ADAMTS17: variants seen among roughly 807,000 people sequenced by gnomAD.
ADAMTS17 encodes the protein ADAM metallopeptidase with thrombospondin type 1 motif 17.
A neutral mutation model predicts 141.5 loss-of-function variants in ADAMTS17; 113 were observed. The ratio of observed to expected loss-of-function variants is 0.80; its 90% CI spans 0.69 to 0.93. ADAMTS17 has a LOEUF of 0.93. Ranked by LOEUF, ADAMTS17 falls within the 40% of genes least tolerant of loss-of-function variation. The probability of loss-of-function intolerance (pLI) is 0.00; values close to 1 mark genes in which losing one functional copy is unlikely to be tolerated. For missense variants in ADAMTS17, 1,659 were observed against 1,517.9 expected, an observed-to-expected ratio of 1.09 and a Z score of -1.54; for synonymous variants, 768 against 630.6, an observed-to-expected ratio of 1.22 and a Z score of -3.27.
intron 3 of ADAMTS17, among the ~76,000 whole-genome samples, chr15:100,291,736 AG>A (rs2142126530): frequency 6.6e-6 from 1 of 152,332 alleles, no homozygotes; most frequent in East Asian, 1.9e-4. Flanking sequence ...AACTAACACC[AG>A]AACAGAAAAC....
intron 14 of ADAMTS17, among the ~76,000 whole-genome samples, chr15:100,102,984 TCTG>T (rs1372842985): frequency 1.3e-5 from 2 of 152,240 alleles, no homozygotes; most frequent in Non-Finnish European, 2.9e-5. Context: ...AGCTCTGGCC[TCTG>T]CTGCTTTGTT....
chr15:100,197,746 A>G (rs2041174563), intron 8 of ADAMTS17, among the ~76,000 whole-genome samples: 1 of 152,180 alleles, frequency 6.6e-6, no homozygotes, highest in African/African-American at 2.4e-5. Context: ...CATGACATAC[A>G]ATAGGTACGG....
Position 100,069,954 on chromosome 15 carries a change from G to A in ADAMTS17, c.2138-15900C>T, listed in dbSNP as rs927952454. On this transcript the variant is annotated intron_variant, in intron 15 of 21. Coordinates refer to ENST00000268070, the MANE Select transcript of ADAMTS17 (RefSeq NM_139057.4). ...ATTAAAAGACACAGACTAGCAAACT[G>A]GATAAAGAGTCAAGACCCATCAGTG... 4.0e-5 allele frequency among the ~76,000 whole-genome samples: 6 copies of A among 150,258 alleles called. 1 individual carries two copies. The highest frequency in any genetic ancestry group is 1.2e-4 in the African/African-American group (5 of 40,640).
chr15:100,053,503 A>C (rs976296355), intron 16 of ADAMTS17, among the ~76,000 whole-genome samples: 1 of 152,140 alleles, frequency 6.6e-6, no homozygotes, highest in South Asian at 2.1e-4. Context: ...AATGATATAC[A>C]CTCTGTGCAG....
rs996532188 is a variant in ADAMTS17, at chr15:100,096,950, C to G, written c.2017-474G>C. 4.6e-5 allele frequency among the ~76,000 whole-genome samples: 7 copies of G among 152,324 alleles called. No individual in the cohort carries two copies. In the East Asian group the frequency reaches 1.4e-3, roughly 29 times the overall value. On this transcript the variant is annotated intron_variant, in intron 14 of 21. Coordinates refer to ENST00000268070, the MANE Select transcript of ADAMTS17 (RefSeq NM_139057.4). ...CATACAACAGAAACCACAGACTTTTCTAACAAGGTAGGGATGCCCACAGCT... is the reference window on the plus strand; with the variant it reads ...CATACAACAGAAACCACAGACTTTTGTAACAAGGTAGGGATGCCCACAGCT...
At chr15:100,022,264 G>A (rs8023950) in intron 18 of ADAMTS17, among the ~76,000 whole-genome samples, 9,045 of 152,138 alleles carry the variant, frequency 0.059, 910 homozygotes, top group African/African-American at 0.21. Flanking sequence ...CAGGAGCTGC[G>A]TGCACCACAA....
At chr15:100,072,787 C>T (rs1226467512) in intron 15 of ADAMTS17, among the ~76,000 whole-genome samples, 1 of 152,112 alleles carries the variant, frequency 6.6e-6, no homozygotes, top group East Asian at 1.9e-4. Context: ...AATGTTAGAT[C>T]TAAAACCATA....
chr15:100,032,498 G>A (rs1254906734), intron 18 of ADAMTS17, among the ~76,000 whole-genome samples: 1 of 152,138 alleles, frequency 6.6e-6, no homozygotes, highest in African/African-American at 2.4e-5. Flanking sequence ...AGAGCTTTGG[G>A]CCTTTGGGCT....
At chr15:100,340,747 G>A (rs1216714235) in intron 2 of ADAMTS17, among the ~76,000 whole-genome samples, 1 of 150,678 alleles carries the variant, frequency 6.6e-6, no homozygotes, top group African/African-American at 2.4e-5. Flanking sequence ...ATCCCTGCCA[G>A]ATCTGCGCTC....
chr15:100,304,011 G>A (rs187429428), intron 3 of ADAMTS17, among the ~76,000 whole-genome samples: 113 of 152,298 alleles, frequency 7.4e-4, no homozygotes, highest in African/African-American at 2.5e-3. Context: ...GGCATGAGCC[G>A]CCGCACCCGG....
intron 18 of ADAMTS17, among the ~76,000 whole-genome samples, chr15:100,035,747 A>G (rs57924800): frequency 0.076 from 11,620 of 152,112 alleles, 1,418 homozygotes; most frequent in African/African-American, 0.26. Context: ...CATCTTGTCC[A>G]GTACTAAGGT....
chr15:100,023,221 G>C (rs1156924381), intron 18 of ADAMTS17, among the ~76,000 whole-genome samples: 1 of 150,246 alleles, frequency 6.7e-6, no homozygotes, highest in African/African-American at 2.5e-5. Context: ...TTTTTTTTGA[G>C]ACGGAGTTTC....
intron 7 of ADAMTS17, among the ~76,000 whole-genome samples, chr15:100,223,942 T>C (rs564182918): frequency 2.2e-4 from 34 of 152,212 alleles, no homozygotes; most frequent in Middle Eastern, 6.8e-3. Flanking sequence ...GCTGAAGAAC[T>C]TGGAGTCCAG....
In ADAMTS17 at chr15:100,064,407, A is replaced by G. The variant is rs181307814; in HGVS notation, c.2138-10353T>C. Among the ~76,000 whole-genome samples, 650 of 152,310 alleles carry G rather than the reference A, an allele frequency of 4.3e-3. 3 individuals are homozygous for G. Among genetic ancestry groups the G allele is most frequent in the Non-Finnish European group, 6.4e-3 (433 of 68,022 alleles). On this transcript the variant is annotated intron_variant, in intron 15 of 21. Coordinates refer to ENST00000268070, the MANE Select transcript of ADAMTS17 (RefSeq NM_139057.4). The stretch of plus-strand genomic sequence containing the variant: ...GCACTTTGTTACGGAAACCATAGCA[A>G]AAGAATATAGCCTGGTATTCTGCGA...
At chr15:100,081,294 C>A (rs1018121578) in intron 15 of ADAMTS17, among the ~76,000 whole-genome samples, 2 of 152,162 alleles carry the variant, frequency 1.3e-5, no homozygotes, top group African/African-American at 4.8e-5. Flanking sequence ...CCTCAGCTTG[C>A]GGACAGCCTA....
intron 7 of ADAMTS17, among the ~76,000 whole-genome samples, chr15:100,223,529 G>C (rs2042199667): frequency 6.6e-6 from 1 of 152,024 alleles, no homozygotes; most frequent in South Asian, 2.1e-4. Flanking sequence ...AGGAAGCCAG[G>C]AGCAGGGCAA....
chr15:100,145,902 G>C (rs1484388732), intron 10 of ADAMTS17, among the ~76,000 whole-genome samples: 4 of 152,248 alleles, frequency 2.6e-5, no homozygotes, highest in Admixed American at 6.5e-5. Flanking sequence ...GCCGGGTACA[G>C]TGGCTCACAC....
At chr15:100,235,410 C>T (rs1233462221) in intron 7 of ADAMTS17, among the ~76,000 whole-genome samples, 2 of 152,166 alleles carry the variant, frequency 1.3e-5, no homozygotes, top group African/African-American at 2.4e-5. Flanking sequence ...CACACACATA[C>T]GGCCAGTAGA....
chr15:100,252,243 T>C (rs140464152), intron 7 of ADAMTS17, among the ~76,000 whole-genome samples: 18 of 152,352 alleles, frequency 1.2e-4, no homozygotes, highest in Non-Finnish European at 8.8e-5. Flanking sequence ...ACTGGATACA[T>C]TGTTTTAATG....
Sources: allele counts gnomAD v4.1 joint callset (sites outside exome capture counted in the v4.1 genomes callset), GRCh38; gene constraint gnomAD v4.1.1; transcripts MANE v1.5; gene names NCBI Gene and HGNC (gene_info 2026-07-23, HGNC 2026-07-21).